Variants in SUGCT observed in about 807,000 individuals in gnomAD.
The protein encoded by SUGCT is succinyl-CoA:glutarate-CoA transferase.
A neutral mutation model predicts 55.0 loss-of-function variants in SUGCT; 41 were observed. The observed-to-expected ratio is 0.74, with a 90% CI of 0.58 to 0.97. The LOEUF (loss-of-function observed/expected upper bound fraction) is 0.97, where lower values mean the gene tolerates loss of function less well. SUGCT is among the 50% of genes least tolerant of loss of function. The probability of loss-of-function intolerance (pLI) is 0.00; values close to 1 mark genes in which losing one functional copy is unlikely to be tolerated. For synonymous variants in SUGCT, 187 were observed against 200.4 expected, an observed-to-expected ratio of 0.93 and a Z score of 0.56; for missense variants, 568 against 547.8, an observed-to-expected ratio of 1.04 and a Z score of -0.37.
At chr7:40,596,789 C>G (rs1432472924) in intron 12 of SUGCT, among the ~76,000 whole-genome samples, 1 of 152,140 alleles carries the variant, frequency 6.6e-6, no homozygotes, top group Non-Finnish European at 1.5e-5. Context: ...TTTAAGGGCT[C>G]TTATACTGGT....
In SUGCT at chr7:40,146,238, G is replaced by A. The variant is rs187753799; in HGVS notation, c.100+11118G>A. On this transcript the variant is annotated intron_variant, in intron 1 of 13. Coordinates refer to ENST00000335693, the MANE Select transcript of SUGCT (RefSeq NM_001193313.2). ...ATTGAATGCATTTGGGCCATCCGCAGGTTACTGGGTTAAGGATTTTTGATT... is the reference window on the plus strand; with the variant it reads ...ATTGAATGCATTTGGGCCATCCGCAAGTTACTGGGTTAAGGATTTTTGATT... Among the ~76,000 whole-genome samples the A allele has an allele frequency of 9.2e-5, 14 of 152,264 alleles. No homozygotes were observed. The East Asian group carries it at 2.5e-3, about 27-fold the overall frequency.
chr7:40,144,394 G>A (rs1417056545), intron 1 of SUGCT, among the ~76,000 whole-genome samples: 1 of 152,202 alleles, frequency 6.6e-6, no homozygotes, highest in Non-Finnish European at 1.5e-5. Flanking sequence ...GTTTGGTAGG[G>A]TTTTCCCCTG....
intron 12 of SUGCT, among the ~76,000 whole-genome samples, chr7:40,647,433 G>A (rs188391604): frequency 2.2e-3 from 336 of 152,216 alleles, no homozygotes; most frequent in African/African-American, 7.2e-3. Flanking sequence ...TCAAATTATC[G>A]GTGAAAAGCA....
At chr7:40,149,417 C>G (rs1438293372) in intron 1 of SUGCT, among the ~76,000 whole-genome samples, 1 of 152,160 alleles carries the variant, frequency 6.6e-6, no homozygotes, top group Non-Finnish European at 1.5e-5. Flanking sequence ...CTGTAACAGC[C>G]CTTTCCCAAA....
chr7:40,315,862 A>G (rs780533904), intron 8 of SUGCT, among the ~76,000 whole-genome samples: 32 of 151,432 alleles, frequency 2.1e-4, no homozygotes, highest in Non-Finnish European at 3.7e-4. Context: ...TCATTTGATC[A>G]CCTCCTTTCC....
At chr7:40,734,160 C>T (rs2128698047) in intron 12 of SUGCT, among the ~76,000 whole-genome samples, 1 of 152,304 alleles carries the variant, frequency 6.6e-6, no homozygotes, top group Middle Eastern at 3.4e-3. Context: ...TTGCATCTTA[C>T]TATACCTAAT....
intron 13 of SUGCT, among the ~76,000 whole-genome samples, chr7:40,780,737 T>C (rs1025761707): frequency 2.6e-5 from 4 of 151,754 alleles, no homozygotes; most frequent in Middle Eastern, 3.4e-3. Context: ...GAGTTCCTAG[T>C]GTGGGTTTTT....
At position 40,553,489 on chromosome 7, in the gene SUGCT, A is replaced by G. The variant is rs570587073; in HGVS notation, c.1089+57103A>G. On this transcript the variant is annotated intron_variant, in intron 12 of 13. Coordinates refer to ENST00000335693, the MANE Select transcript of SUGCT (RefSeq NM_001193313.2). ...TATCGAGATAATTTTTTTATTTTTT[A>G]TAATAATATATGAGAATTTCTCCAT... 2.6e-5 allele frequency among the ~76,000 whole-genome samples: 4 copies of G among 152,240 alleles called. No homozygotes were observed. The South Asian group carries it at 6.2e-4, about 24-fold the overall frequency.
At chr7:40,171,865 C>T (rs1246946073) in intron 1 of SUGCT, among the ~76,000 whole-genome samples, 1 of 152,192 alleles carries the variant, frequency 6.6e-6, no homozygotes, top group African/African-American at 2.4e-5. Context: ...TATAGAGTCA[C>T]GGAGAAGATC....
At chr7:40,705,425 A>G (rs1471742256) in intron 12 of SUGCT, among the ~76,000 whole-genome samples, 1 of 152,110 alleles carries the variant, frequency 6.6e-6, no homozygotes, top group Non-Finnish European at 1.5e-5. Flanking sequence ...TTTATTCACA[A>G]TTTTTTGGTT....
chr7:40,851,142 C>G lies in SUGCT; in HGVS notation c.1154-9174C>G, dbSNP rs566676110. Among the ~76,000 whole-genome samples, 5 of 152,262 alleles carry G rather than the reference C, an allele frequency of 3.3e-5. No individual in the cohort carries two copies. In the South Asian group the frequency reaches 1.0e-3, roughly 32 times the overall value. ...GGCAGAGCCAGGATGTGAACCTAGACACTCCAGCTCTAGAACCCACAGTCT... is the reference window on the plus strand; with the variant it reads ...GGCAGAGCCAGGATGTGAACCTAGAGACTCCAGCTCTAGAACCCACAGTCT... On this transcript the variant is annotated intron_variant, in intron 13 of 13. Coordinates refer to ENST00000335693, the MANE Select transcript of SUGCT (RefSeq NM_001193313.2).
At chr7:40,806,657 T>A (rs1791109282) in intron 13 of SUGCT, among the ~76,000 whole-genome samples, 1 of 152,302 alleles carries the variant, frequency 6.6e-6, no homozygotes, top group African/African-American at 2.4e-5. Context: ...TTTCCACATA[T>A]TTGTATTCAG....
chr7:40,454,304 C>T (rs921034288), intron 10 of SUGCT, among the ~76,000 whole-genome samples: 3 of 151,976 alleles, frequency 2.0e-5, no homozygotes, highest in Admixed American at 6.6e-5. Context: ...GTTAAATGCC[C>T]GTAGATTTAG....
At chr7:40,515,371 T>C (rs1793178845) in intron 12 of SUGCT, among the ~76,000 whole-genome samples, 1 of 152,222 alleles carries the variant, frequency 6.6e-6, no homozygotes, top group Admixed American at 6.5e-5. Flanking sequence ...AAGTAGATAA[T>C]CCACGGATTT....
At chr7:40,577,516 C>A (rs550494236) in intron 12 of SUGCT, among the ~76,000 whole-genome samples, 22 of 151,904 alleles carry the variant, frequency 1.4e-4, no homozygotes, top group African/African-American at 4.8e-4. Context: ...TGATATACTC[C>A]CCTGAATAGT....
At chr7:40,781,162 G>C (rs1233151674) in intron 13 of SUGCT, among the ~76,000 whole-genome samples, 1 of 152,014 alleles carries the variant, frequency 6.6e-6, no homozygotes, top group Non-Finnish European at 1.5e-5. Context: ...AGTTATGCAC[G>C]TAATGTATCA....
At chr7:40,910,320 G>T in the SUGCT span, among the ~76,000 whole-genome samples, 3 of 152,074 alleles carry the variant, frequency 2.0e-5, no homozygotes, top group Admixed American at 6.5e-5. Context: ...AAAATGCCCA[G>T]TCTGAGAAGA....
the SUGCT span, among the ~76,000 whole-genome samples, chr7:40,896,551 C>A: frequency 1.3e-5 from 2 of 152,088 alleles, no homozygotes; most frequent in Non-Finnish European, 2.9e-5. Context: ...TGAGTGAGTT[C>A]TCATGAGATC....
the SUGCT span, among the ~76,000 whole-genome samples, chr7:40,891,803 A>C: frequency 6.6e-6 from 1 of 152,102 alleles, no homozygotes; most frequent in Non-Finnish European, 1.5e-5. Context: ...AGGTCAGAAG[A>C]TTGAGACCAT....
Sources: gnomAD v4.1 joint callset for allele counts (sites outside exome capture counted in the v4.1 genomes callset) on GRCh38, gnomAD v4.1.1 for gene constraint, MANE v1.5 for transcripts, NCBI Gene and HGNC (gene_info 2026-07-23, HGNC 2026-07-21) for gene names.